The following CSMD1 variants were observed in gnomAD, a reference collection of about 807,000 sequenced individuals.
The protein encoded by CSMD1 is CUB and sushi domain-containing protein 1.
Under a neutral mutation model 417.5 loss-of-function variants are expected in CSMD1, and 213 were observed. The observed-to-expected ratio is 0.51, with a 90% CI of 0.46 to 0.57. CSMD1 has a LOEUF of 0.57. Ranked by LOEUF, CSMD1 falls within the 20% of genes least tolerant of loss-of-function variation. CSMD1 has a pLI of 0.00. For synonymous variants in CSMD1, 2,862 were observed against 1,736.8 expected, an observed-to-expected ratio of 1.65 and a Z score of -16.11; for missense variants, 6,923 against 4,529.7, an observed-to-expected ratio of 1.53 and a Z score of -15.17.
chr8:3,493,561 C>T, intron 11 of CSMD1, 62 bp downstream of exon 11: 6 of 1,386,932 alleles, frequency 4.3e-6, no homozygotes, highest in African/African-American at 1.4e-5. Flanking sequence ...AGAATCTCAT[C>T]TCCACCCACC....
intron 3 of CSMD1, among the ~76,000 whole-genome samples, chr8:4,305,037 G>A (rs1052441851): frequency 6.6e-6 from 1 of 152,146 alleles, no homozygotes; most frequent in African/African-American, 2.4e-5. Context: ...CCACGTTAGA[G>A]TCCCTTTTCA....
intron 7 of CSMD1, among the ~76,000 whole-genome samples, chr8:3,701,619 A>T (rs548741875): frequency 6.6e-6 from 1 of 152,114 alleles, no homozygotes; most frequent in Non-Finnish European, 1.5e-5. Context: ...AAAACTACGA[A>T]TATTATAATT....
At chr8:4,327,676 G>C (rs1039926272) in intron 3 of CSMD1, among the ~76,000 whole-genome samples, 3 of 152,144 alleles carry the variant, frequency 2.0e-5, no homozygotes, top group African/African-American at 7.2e-5. Flanking sequence ...CATGTTTCTA[G>C]AATGTATTTT....
intron 7 of CSMD1, among the ~76,000 whole-genome samples, chr8:3,617,462 C>T (rs2291223): frequency 6.6e-6 from 1 of 151,938 alleles, no homozygotes; most frequent in African/African-American, 2.4e-5. Context: ...ATCAAACTAA[C>T]ACATTTCTTT....
At chr8:3,576,101 C>T (rs1039286652) in intron 9 of CSMD1, among the ~76,000 whole-genome samples, 1 of 151,970 alleles carries the variant, frequency 6.6e-6, no homozygotes, top group Non-Finnish European at 1.5e-5. Flanking sequence ...GAGTTTAACC[C>T]TTTCTTCAAG....
At chr8:3,538,000 G>C (rs577130499) in intron 10 of CSMD1, among the ~76,000 whole-genome samples, 3 of 152,328 alleles carry the variant, frequency 2.0e-5, no homozygotes, top group East Asian at 1.9e-4. Context: ...CCTCATTAGA[G>C]AAAGGGCTTT....
intron 5 of CSMD1, among the ~76,000 whole-genome samples, chr8:3,878,213 T>C (rs4548201): frequency 0.25 from 38,083 of 152,036 alleles, 5,954 homozygotes; most frequent in African/African-American, 0.44. Flanking sequence ...ATAAAACTAA[T>C]ATCAAGTAGT....
chr8:3,531,938 G>A (rs921636390), intron 10 of CSMD1, among the ~76,000 whole-genome samples: 4 of 152,156 alleles, frequency 2.6e-5, no homozygotes, highest in African/African-American at 7.2e-5. Context: ...CAGTAGCTTA[G>A]GCTGAGGACC....
chr8:4,672,739 TCATA>T (rs1271253446), intron 1 of CSMD1, among the ~76,000 whole-genome samples: 4 of 150,796 alleles, frequency 2.7e-5, no homozygotes, highest in Admixed American at 1.3e-4. Flanking sequence ...ACACGCACTC[TCATA>T]CAGTGACATA....
chr8:3,293,482 T>G (rs1803732200), intron 25 of CSMD1, among the ~76,000 whole-genome samples: 2 of 152,188 alleles, frequency 1.3e-5, no homozygotes, highest in Non-Finnish European at 2.9e-5. Context: ...GTAGATTCGG[T>G]CTTTTCACAT....
chr8:3,783,552 G>A (rs1799295070), intron 5 of CSMD1, among the ~76,000 whole-genome samples: 2 of 152,314 alleles, frequency 1.3e-5, no homozygotes, highest in East Asian at 1.9e-4. Context: ...GTGGGCACAG[G>A]AGGAAGCACC....
intron 12 of CSMD1, among the ~76,000 whole-genome samples, chr8:3,427,351 T>C (rs1297177937): frequency 6.6e-6 from 1 of 152,192 alleles, no homozygotes; most frequent in Admixed American, 6.5e-5. Flanking sequence ...TGATTTTTCT[T>C]CAAGTCAAAA....
chr8:4,396,664 T>G (rs190931096), intron 3 of CSMD1, among the ~76,000 whole-genome samples: 1 of 151,042 alleles, frequency 6.6e-6, no homozygotes, highest in Non-Finnish European at 1.5e-5. Flanking sequence ...TATCTCCCCA[T>G]ACACACACAC....
At chr8:4,599,384 G>T (rs1490314625) in intron 2 of CSMD1, among the ~76,000 whole-genome samples, 1 of 151,136 alleles carries the variant, frequency 6.6e-6, no homozygotes, top group Non-Finnish European at 1.5e-5. Flanking sequence ...TTTCCTTAAA[G>T]ATCTGTTGAG....
At chr8:3,466,855 T>G (rs17066208) in intron 12 of CSMD1, among the ~76,000 whole-genome samples, 3,515 of 152,318 alleles carry the variant, frequency 0.023, 112 homozygotes, top group East Asian at 0.15. Context: ...CTTAATATAG[T>G]ACTCTGGAAA....
At position 4,019,848 on chromosome 8, in the gene CSMD1, C is replaced by T. The variant is rs76867681; in HGVS notation, c.610+12057G>A. Reference sequence around the variant, plus strand: ...GGCACTCTTGTCCTTTTTCCTGAGCCCCAAACCATTTCTCTCCTCAAGTCA... The same window carrying T: ...GGCACTCTTGTCCTTTTTCCTGAGCTCCAAACCATTTCTCTCCTCAAGTCA... On this transcript the variant is annotated intron_variant, in intron 4 of 69. Coordinates refer to ENST00000635120, the MANE Select transcript of CSMD1 (RefSeq NM_033225.6). Among the ~76,000 whole-genome samples, 31 of 151,540 alleles carry T rather than the reference C, an allele frequency of 2.0e-4. No homozygotes were observed. In the East Asian group the frequency reaches 6.0e-3, roughly 29 times the overall value.
At chr8:4,801,654 G>A (rs539023159) in intron 1 of CSMD1, among the ~76,000 whole-genome samples, 1 of 151,918 alleles carries the variant, frequency 6.6e-6, no homozygotes, top group Non-Finnish European at 1.5e-5. Context: ...ATCTACACCA[G>A]TGTCCTCAGC....
chr8:4,288,374 G>A (rs1466658973), intron 3 of CSMD1, among the ~76,000 whole-genome samples: 3 of 152,136 alleles, frequency 2.0e-5, no homozygotes, highest in Non-Finnish European at 2.9e-5. Context: ...TTCCAGAGAG[G>A]CTATCTTACA....
intron 10 of CSMD1, among the ~76,000 whole-genome samples, chr8:3,564,484 A>G (rs1427191384): frequency 1.3e-5 from 2 of 149,466 alleles, no homozygotes; most frequent in East Asian, 2.0e-4. Context: ...ATAAGGGATT[A>G]GTCTTCTTAG....
Sources: gnomAD v4.1 joint callset for allele counts (sites outside exome capture counted in the v4.1 genomes callset) on GRCh38, gnomAD v4.1.1 for gene constraint, MANE v1.5 for transcripts, NCBI Gene and HGNC (gene_info 2026-07-23, HGNC 2026-07-21) for gene names.